The following PLEKHD1 variants were observed in gnomAD, a reference collection of about 807,000 sequenced individuals.
PLEKHD1 encodes pleckstrin homology domain-containing family D member 1.
PLEKHD1 carries 51 observed loss-of-function variants against 69.2 expected under a neutral mutation model. The ratio of observed to expected loss-of-function variants is 0.74; its 90% CI spans 0.59 to 0.93. PLEKHD1 has a LOEUF of 0.93. PLEKHD1 is among the 40% of genes least tolerant of loss of function. PLEKHD1 has a pLI of 0.00. For missense variants in PLEKHD1, 584 were observed against 641.0 expected (o/e 0.91, Z 0.96); for synonymous variants, 236 against 244.7 (o/e 0.96, Z 0.33).
chr14:69,509,792 G>C (rs1039511751), intron 6 of PLEKHD1, among the ~76,000 whole-genome samples: 1 of 152,058 alleles, frequency 6.6e-6, no homozygotes, highest in Admixed American at 6.6e-5. Flanking sequence ...ACAAAAATTA[G>C]CCAGGCGTGG....
rs1299441879 is a variant in PLEKHD1 at position 69,528,392 on chromosome 14, C to G, written c.1494C>G (p.Pro498=). The stretch of plus-strand genomic sequence containing the variant: ...TCATGGCCACCCAGCCTGGAGCCCC[C>G]TCGGCACTCTCCCGGGGTGGAAAGT... ...YHIMATQPGA[P]SALSRGGK is the part of the protein sequence containing the mutation. The change falls in exon 13 of 13, where the codon CCC becomes CCG. Residue 498 remains proline, a synonymous_variant. Coordinates refer to ENST00000322564, the MANE Select transcript of PLEKHD1 (RefSeq NM_001161498.2). The G allele has an allele frequency of 6.4e-7, 1 of 1,551,230 alleles. No homozygotes were observed. Among genetic ancestry groups the G allele is most frequent in the Admixed American group, 2.0e-5 (1 of 50,986 alleles).
At chr14:69,522,435 C>A (rs895538686) in intron 7 of PLEKHD1, 58 bp downstream of exon 7, 1 of 1,519,750 alleles carries the variant, frequency 6.6e-7, no homozygotes, top group African/African-American at 1.4e-5. Context: ...CAGAGCCCAC[C>A]TTCCCCGTCA....
chr14:69,486,909 C>A (rs889075907), intron 1 of PLEKHD1, among the ~76,000 whole-genome samples: 3 of 152,180 alleles, frequency 2.0e-5, no homozygotes, highest in African/African-American at 7.2e-5. Context: ...TAGTGTCCCC[C>A]ACCCAGAGAC....
Position 69,528,512 on chromosome 14 carries a change from C to T in PLEKHD1, c.*93C>T. 1 of 1,436,480 alleles carries T rather than the reference C, an allele frequency of 7.0e-7. No individual in the cohort carries two copies. Among genetic ancestry groups the T allele is most frequent in the South Asian group, 1.4e-5 (1 of 72,300 alleles). The allele number at this position is 1,436,480 out of a possible 1,614,324, so 89.0% of individuals were successfully genotyped here. On this transcript the variant is annotated 3_prime_UTR_variant, in exon 13 of 13. Transcript: ENST00000322564. The stretch of plus-strand genomic sequence containing the variant: ...GAGGCCTCACTCTACCAGCTCCTGG[C>T]CTCTCTGGTCTGGAGCCTATGTCTC...
upstream of PLEKHD1, among the ~76,000 whole-genome samples, chr14:69,483,467 T>C (rs553861987): frequency 6.6e-6 from 1 of 152,126 alleles, no homozygotes; most frequent in Admixed American, 6.5e-5. Context: ...TACAAGTGGT[T>C]GTTGTTGGGG....
At chr14:69,483,907 C>T (rs1156624510), upstream of PLEKHD1, among the ~76,000 whole-genome samples, 2 of 152,222 alleles carry the variant, frequency 1.3e-5, no homozygotes, top group Non-Finnish European at 2.9e-5. Flanking sequence ...ATGAGCCGGT[C>T]ACCCCAAACG....
chr14:69,471,781 G>T, the PLEKHD1 span, among the ~76,000 whole-genome samples: 1 of 152,148 alleles, frequency 6.6e-6, no homozygotes, highest in African/African-American at 2.4e-5. Context: ...TGGTAGTCTA[G>T]TATTTGGCCG....
chr14:69,524,119 C>CCCT, intron 7 of PLEKHD1, 110 bp from the exon 8 acceptor site: 1 of 837,184 alleles, frequency 1.2e-6, no homozygotes, highest in Non-Finnish European at 1.9e-6. Context: ...CATTCAAGAG[C>CCCT]CCTCCTGAGC....
chr14:69,528,070 C>T (rs549851915), intron 12 of PLEKHD1, 138 bp downstream of exon 12: 26 of 1,453,304 alleles, frequency 1.8e-5, no homozygotes, highest in Admixed American at 6.7e-5. Context: ...CTTGGGCAAA[C>T]GGGTGAATTC....
At chr14:69,470,878 G>A in the PLEKHD1 span, among the ~76,000 whole-genome samples, 7 of 150,958 alleles carry the variant, frequency 4.6e-5, no homozygotes, top group East Asian at 2.0e-4. Context: ...TGCAAGCTCC[G>A]CCTCCCAGGT....
intron 1 of PLEKHD1, among the ~76,000 whole-genome samples, chr14:69,498,758 A>C (rs1227007320): frequency 6.7e-6 from 1 of 150,330 alleles, no homozygotes; most frequent in Non-Finnish European, 1.5e-5. Context: ...AGTGATTCTC[A>C]TGCCTCAGCC....
chr14:69,506,487 G>A (rs1171289627), intron 6 of PLEKHD1, among the ~76,000 whole-genome samples: 2 of 152,202 alleles, frequency 1.3e-5, no homozygotes. Context: ...TTGGACACTG[G>A]CTTCCTTTAA....
chr14:69,516,623 T>A (rs1286905568), intron 6 of PLEKHD1, among the ~76,000 whole-genome samples: 1 of 152,170 alleles, frequency 6.6e-6, no homozygotes. Context: ...GAAGAAGCAA[T>A]GAAGGTTTTG....
chr14:69,474,622 G>A, the PLEKHD1 span, among the ~76,000 whole-genome samples: 1 of 152,194 alleles, frequency 6.6e-6, no homozygotes, highest in Non-Finnish European at 1.5e-5. Flanking sequence ...CCTGTAAGCT[G>A]TTTGGGAGTT....
At chr14:69,483,967 G>GC (rs1415409560), upstream of PLEKHD1, among the ~76,000 whole-genome samples, 2 of 152,264 alleles carry the variant, frequency 1.3e-5, no homozygotes, top group African/African-American at 4.8e-5. Flanking sequence ...CCCAGGGAGC[G>GC]CGGGCCAGGC....
intron 6 of PLEKHD1, among the ~76,000 whole-genome samples, chr14:69,514,541 A>G (rs185594756): frequency 3.9e-5 from 6 of 152,256 alleles, no homozygotes; most frequent in East Asian, 1.9e-4. Flanking sequence ...TCCTGGTCTG[A>G]TAATTCCAGC....
At chr14:69,512,838 G>C (rs974912436) in intron 6 of PLEKHD1, among the ~76,000 whole-genome samples, 6 of 151,686 alleles carry the variant, frequency 4.0e-5, no homozygotes, top group Non-Finnish European at 5.9e-5. Context: ...AAGGCAGGAG[G>C]ATTGCTTGAG....
chr14:69,528,312 G>T lies in PLEKHD1; in HGVS notation c.1414G>T (p.Glu472Ter). ...LDANNMEELK[E>*]VAKRLSRDQR... The stretch of plus-strand genomic sequence containing the variant: ...TGCCAACAACATGGAGGAGCTAAAG[G>T]AGGTGGCCAAGCGGCTCAGCAGGGA... The change falls in exon 13 of 13, where the codon GAG becomes TAG. Residue 472 changes from glutamate (E) to a stop codon, truncating the protein, a stop_gained. Transcript: ENST00000322564. LOFTEE classifies it high-confidence loss of function. 1 of 1,551,722 alleles carries T rather than the reference G, an allele frequency of 6.4e-7. No individual in the cohort carries two copies. The highest frequency in any genetic ancestry group is 8.7e-7 in the Non-Finnish European group (1 of 1,147,002).
intron 5 of PLEKHD1, chr14:69,502,333 C>T (rs1448096936): frequency 1.0e-5 from 2 of 196,650 alleles, no homozygotes; most frequent in African/African-American, 4.7e-5. Context: ...GCATTCCAGA[C>T]CTTGTGCCCC....
Sources: gnomAD v4.1 joint callset for allele counts (sites outside exome capture counted in the v4.1 genomes callset) on GRCh38, gnomAD v4.1.1 for gene constraint, MANE v1.5 for transcripts, NCBI Gene and HGNC (gene_info 2026-07-23, HGNC 2026-07-21) for gene names.